Variants in PHACTR1 observed in about 807,000 individuals in gnomAD.
PHACTR1 encodes the protein RPEL repeat containing 1.
In PHACTR1, 16 loss-of-function variants were observed where a neutral mutation model predicts 69.2. The ratio of observed to expected loss-of-function variants is 0.23; its 90% CI spans 0.16 to 0.35. The LOEUF is 0.35. PHACTR1 is among the 10% of genes least tolerant of loss of function. The pLI is 1.00. For synonymous variants in PHACTR1, 312 were observed against 284.5 expected (o/e 1.10, Z -0.97); for missense variants, 510 against 734.7 (o/e 0.69, Z 3.54).
chr6:13,070,335 T>C (rs1809314452), intron 5 of PHACTR1, among the ~76,000 whole-genome samples: 2 of 152,184 alleles, frequency 1.3e-5, no homozygotes, highest in Non-Finnish European at 2.9e-5. Flanking sequence ...TTAGCACTAC[T>C]AGTAACAATG....
intron 4 of PHACTR1, among the ~76,000 whole-genome samples, chr6:13,038,397 A>C (rs867824542): frequency 3.3e-5 from 5 of 152,132 alleles, no homozygotes; most frequent in Non-Finnish European, 5.9e-5. Flanking sequence ...TTTAACTCAA[A>C]GCCTGAGAGG....
In PHACTR1 at chr6:13,111,557, A is replaced by T. The variant is rs139100206; in HGVS notation, c.416-48647A>T. Among the ~76,000 whole-genome samples the T allele has an allele frequency of 5.0e-3, 754 of 152,202 alleles. 2 individuals are homozygous for T. The highest frequency in any genetic ancestry group is 7.6e-3 in the Non-Finnish European group (517 of 68,006). On this transcript the variant is annotated intron_variant, in intron 5 of 14. Coordinates refer to ENST00000332995, the MANE Select transcript of PHACTR1 (RefSeq NM_030948.6). Reference sequence around the variant, plus strand: ...AGAAACCAGTTTTAACTCTTTTTAGATTTCTAAATTGGATCTTATAATGTC... The same window carrying T: ...AGAAACCAGTTTTAACTCTTTTTAGTTTTCTAAATTGGATCTTATAATGTC...
chr6:13,115,470 C>T (rs150465344), intron 5 of PHACTR1, among the ~76,000 whole-genome samples: 90 of 152,244 alleles, frequency 5.9e-4, no homozygotes, highest in African/African-American at 2.0e-3. Flanking sequence ...TTTTAAGCTA[C>T]ACCTTCTTCT....
chr6:12,951,768 C>T (rs762053563), intron 4 of PHACTR1, among the ~76,000 whole-genome samples: 1 of 152,194 alleles, frequency 6.6e-6, no homozygotes, highest in Non-Finnish European at 1.5e-5. Flanking sequence ...CTCCAGAAAC[C>T]CCTTTGGTAA....
At chr6:12,888,136 G>A (rs1304034692) in intron 4 of PHACTR1, among the ~76,000 whole-genome samples, 1 of 151,362 alleles carries the variant, frequency 6.6e-6, no homozygotes, top group Non-Finnish European at 1.5e-5. Context: ...AAGTCATGAG[G>A]GCTCTGCTTC....
At chr6:13,220,290 C>T (rs1768402105) in intron 8 of PHACTR1, among the ~76,000 whole-genome samples, 1 of 152,190 alleles carries the variant, frequency 6.6e-6, no homozygotes, top group Non-Finnish European at 1.5e-5. Flanking sequence ...ATGTTCATCC[C>T]TATTACATTT....
chr6:13,225,639 A>G (rs1769507302), intron 8 of PHACTR1, among the ~76,000 whole-genome samples: 1 of 152,166 alleles, frequency 6.6e-6, no homozygotes, highest in African/African-American at 2.4e-5. Flanking sequence ...CTTCTACCTT[A>G]AGGAACTCAT....
chr6:12,866,974 C>A (rs1781525902), intron 4 of PHACTR1, among the ~76,000 whole-genome samples: 1 of 152,182 alleles, frequency 6.6e-6, no homozygotes, highest in Non-Finnish European at 1.5e-5. Context: ...TCCCTCCCCC[C>A]AGTTGCCCAT....
At chr6:12,926,539 G>T (rs948388302) in intron 4 of PHACTR1, among the ~76,000 whole-genome samples, 1 of 152,078 alleles carries the variant, frequency 6.6e-6, no homozygotes, top group African/African-American at 2.4e-5. Context: ...CACGGTCCAG[G>T]CTCCACCTGC....
At chr6:13,152,255 A>T (rs1164284704) in intron 5 of PHACTR1, among the ~76,000 whole-genome samples, 1 of 151,760 alleles carries the variant, frequency 6.6e-6, no homozygotes, top group African/African-American at 2.4e-5. Flanking sequence ...AAAGGCTTAA[A>T]CCTGGGAGGT....
intron 4 of PHACTR1, among the ~76,000 whole-genome samples, chr6:12,845,635 A>C (rs1232839082): frequency 1.3e-5 from 2 of 152,096 alleles, no homozygotes; most frequent in African/African-American, 4.8e-5. Context: ...TCCGAAAGGA[A>C]GATAGACTGA....
At chr6:12,798,068 A>ACACACACACACACACC (rs758442149) in intron 4 of PHACTR1, among the ~76,000 whole-genome samples, 43 of 150,026 alleles carry the variant, frequency 2.9e-4, no homozygotes, top group East Asian at 5.9e-4. Context: ...ACACACACAC[A>ACACACACACACACACC]CCCCTACATA....
At position 13,205,630 on chromosome 6, in the gene PHACTR1, G is replaced by A. The variant is rs1007879823; in HGVS notation, c.665-185G>A. Among the ~76,000 whole-genome samples the A allele has an allele frequency of 4.6e-5, 7 of 152,242 alleles. No individual in the cohort carries two copies. In the East Asian group the frequency reaches 1.3e-3, roughly 29 times the overall value. On this transcript the variant is annotated intron_variant, in intron 7 of 14. Transcript: ENST00000332995. ...TATGGCCAGTGCAAGTGCACTTGGA[G>A]TAGGAAACAAGAGTCAATGGATACT... is the stretch of plus-strand genomic sequence containing the variant.
intron 4 of PHACTR1, among the ~76,000 whole-genome samples, chr6:13,035,042 G>A (rs1803107894): frequency 6.6e-6 from 1 of 152,168 alleles, no homozygotes; most frequent in Non-Finnish European, 1.5e-5. Flanking sequence ...AGCCTTCAAA[G>A]TATTCATGGG....
intron 4 of PHACTR1, among the ~76,000 whole-genome samples, chr6:13,014,485 C>T (rs1351109845): frequency 3.3e-5 from 5 of 152,212 alleles, no homozygotes; most frequent in African/African-American, 9.6e-5. Flanking sequence ...CTTCCATGGG[C>T]TTCTTAACTG....
chr6:12,818,239 G>A (rs1050233125), intron 4 of PHACTR1, among the ~76,000 whole-genome samples: 1 of 152,164 alleles, frequency 6.6e-6, no homozygotes, highest in Non-Finnish European at 1.5e-5. Context: ...TCTGTGACTT[G>A]GCTGGGTGGT....
chr6:13,132,778 ATCT>A (rs1199482952), intron 5 of PHACTR1, among the ~76,000 whole-genome samples: 1 of 152,072 alleles, frequency 6.6e-6, no homozygotes, highest in Non-Finnish European at 1.5e-5. Context: ...GCAAGTCATA[ATCT>A]TCTTGCTGAT....
intron 4 of PHACTR1, among the ~76,000 whole-genome samples, chr6:12,844,804 G>T (rs1392325706): frequency 6.6e-6 from 1 of 152,152 alleles, no homozygotes; most frequent in East Asian, 1.9e-4. Flanking sequence ...CTAAAGAAAT[G>T]ATGGGAAAGT....
chr6:13,168,976 A>G (rs960456740), intron 6 of PHACTR1, among the ~76,000 whole-genome samples: 3 of 152,170 alleles, frequency 2.0e-5, no homozygotes, highest in African/African-American at 7.2e-5. Flanking sequence ...CTGCAGGGAG[A>G]CTGACTTGCA....
Sources: allele counts gnomAD v4.1 joint callset (sites outside exome capture counted in the v4.1 genomes callset), GRCh38; gene constraint gnomAD v4.1.1; transcripts MANE v1.5; gene names NCBI Gene and HGNC (gene_info 2026-07-23, HGNC 2026-07-21).